ASIC2: variants seen among roughly 807,000 people sequenced by gnomAD.
The protein encoded by ASIC2 is acid sensing ion channel subunit 2.
In ASIC2, 25 loss-of-function variants were observed where a neutral mutation model predicts 57.3. The observed-to-expected ratio is 0.44, with a 90% CI of 0.32 to 0.61. The LOEUF (loss-of-function observed/expected upper bound fraction) is 0.61. Among genes scored for constraint, ASIC2 ranks in the 20% least tolerant of loss-of-function variants. ASIC2 has a pLI of 0.06. For missense variants in ASIC2, 641 were observed against 738.1 expected (o/e 0.87, Z 1.52); for synonymous variants, 319 against 307.5 (o/e 1.04, Z -0.39).
intron 1 of ASIC2, among the ~76,000 whole-genome samples, chr17:33,272,066 C>G (rs1300320804): frequency 6.6e-6 from 1 of 152,168 alleles, no homozygotes; most frequent in East Asian, 1.9e-4. Flanking sequence ...CACCTTGCCT[C>G]TAGGTCTTCC....
intron 1 of ASIC2, chr17:34,038,706 T>G (rs1907984804): frequency 5.0e-6 from 8 of 1,603,104 alleles, no homozygotes; most frequent in Non-Finnish European, 6.8e-6. Context: ...TGACCTAATC[T>G]GAGTTTGAAG....
intron 1 of ASIC2, among the ~76,000 whole-genome samples, chr17:33,674,736 G>A (rs761191097): frequency 4.6e-5 from 7 of 152,146 alleles, no homozygotes; most frequent in South Asian, 2.1e-4. Context: ...TGATATCCAG[G>A]GCTCTAGTGC....
intron 1 of ASIC2, among the ~76,000 whole-genome samples, chr17:33,690,219 C>A (rs1908321355): frequency 6.6e-6 from 1 of 152,210 alleles, no homozygotes; most frequent in African/African-American, 2.4e-5. Context: ...AAAAGCCACT[C>A]AAAAACATAG....
intron 2 of ASIC2, among the ~76,000 whole-genome samples, chr17:33,098,549 C>T (rs114762720): frequency 2.6e-5 from 4 of 152,108 alleles, no homozygotes; most frequent in Admixed American, 6.5e-5. Context: ...TGGGTGGCAG[C>T]GTGATGCAGC....
chr17:33,980,813 A>C (rs533955726), intron 1 of ASIC2: 1 of 152,364 alleles, frequency 6.6e-6, no homozygotes, highest in African/African-American at 2.4e-5. Flanking sequence ...CCAGTCTGGA[A>C]CAACTCTGAA....
chr17:33,293,104 A>C lies in ASIC2; in HGVS notation c.-989T>G, dbSNP rs1025139594. On this transcript the variant is annotated 5_prime_UTR_variant, in exon 1 of 10. Transcript: ENST00000225823. ...CCAACACCTCCCGGGGGTGACCCGG[A>C]CTCGCTGCTCCGCGCGCCCTTCTCC... 1.4e-5 allele frequency: 13 copies of C among 917,184 alleles called. No homozygotes were observed. Among genetic ancestry groups the C allele is most frequent in the Admixed American group, 6.2e-5 (1 of 16,176 alleles). The allele number at this position is 917,184 out of a possible 1,614,324, so 56.8% of individuals were successfully genotyped here. A position where few individuals can be genotyped will look rare whatever the true frequency, so the allele number is the denominator to read the frequency against.
intron 1 of ASIC2, among the ~76,000 whole-genome samples, chr17:33,883,788 C>G (rs552164816): frequency 6.6e-6 from 1 of 152,286 alleles, no homozygotes; most frequent in South Asian, 2.1e-4. Flanking sequence ...TTCTGTAAAA[C>G]AAAGAAGAAG....
chr17:33,406,606 G>A (rs891595189), intron 1 of ASIC2, among the ~76,000 whole-genome samples: 1 of 152,186 alleles, frequency 6.6e-6, no homozygotes, highest in Admixed American at 6.5e-5. Flanking sequence ...AACACCAGTA[G>A]CCTCCTCAGA....
chr17:33,931,460 G>C (rs1915930209), intron 1 of ASIC2: 1 of 152,212 alleles, frequency 6.6e-6, no homozygotes, highest in South Asian at 2.1e-4. Context: ...TCTGACTACT[G>C]ATTTCACTTC....
intron 1 of ASIC2, among the ~76,000 whole-genome samples, chr17:33,344,280 G>A (rs1258181704): frequency 3.9e-5 from 6 of 152,184 alleles, no homozygotes; most frequent in African/African-American, 4.8e-5. Flanking sequence ...AGCAGGGGGA[G>A]CAGATGCCTG....
chr17:33,682,162 C>T lies in ASIC2; in HGVS notation c.555+473816G>A, dbSNP rs573535825. On this transcript the variant is annotated intron_variant, in intron 1 of 9. Transcript: ENST00000359872. ...GCAAGCTCCGCCTCCCGAGTTCACGCCATTCTCCTGCCTCAGCCTCCTGAA... is the reference window on the plus strand; with the variant it reads ...GCAAGCTCCGCCTCCCGAGTTCACGTCATTCTCCTGCCTCAGCCTCCTGAA... Among the ~76,000 whole-genome samples, 3 of 150,576 alleles carry T rather than the reference C, an allele frequency of 2.0e-5. No homozygotes were observed. In the South Asian group the frequency reaches 6.3e-4, roughly 32 times the overall value.
chr17:33,702,735 C>T (rs547492734), intron 1 of ASIC2, among the ~76,000 whole-genome samples: 49 of 152,282 alleles, frequency 3.2e-4, no homozygotes, highest in Non-Finnish European at 6.6e-4. Flanking sequence ...TCACAATAAT[C>T]GCATTTGTTC....
intron 1 of ASIC2, among the ~76,000 whole-genome samples, chr17:33,413,422 A>G (rs1305391366): frequency 6.6e-6 from 1 of 152,202 alleles, no homozygotes; most frequent in East Asian, 1.9e-4. Flanking sequence ...CAGCCTGAAT[A>G]CAGTCAATTT....
chr17:33,414,201 A>G (rs1910758750), intron 1 of ASIC2, among the ~76,000 whole-genome samples: 1 of 152,206 alleles, frequency 6.6e-6, no homozygotes, highest in African/African-American at 2.4e-5. Flanking sequence ...AGGAAGATTA[A>G]GAAAAGGAGC....
chr17:33,854,875 A>T (rs1309555324), intron 1 of ASIC2, among the ~76,000 whole-genome samples: 1 of 152,124 alleles, frequency 6.6e-6, no homozygotes, highest in South Asian at 2.1e-4. Flanking sequence ...ATTAGTGTTT[A>T]AAAAAACACG....
chr17:33,873,171 C>T (rs1914463848), intron 1 of ASIC2, among the ~76,000 whole-genome samples: 1 of 152,196 alleles, frequency 6.6e-6, no homozygotes. Context: ...TCCTTCAATA[C>T]ATTCTTTTTT....
chr17:33,528,857 G>A (rs1411439360), intron 1 of ASIC2, among the ~76,000 whole-genome samples: 1 of 152,178 alleles, frequency 6.6e-6, no homozygotes, highest in Non-Finnish European at 1.5e-5. Flanking sequence ...TCTTAATTAA[G>A]AAAGAAATAG....
At chr17:33,892,306 G>A (rs1466913190) in intron 1 of ASIC2, among the ~76,000 whole-genome samples, 1 of 152,130 alleles carries the variant, frequency 6.6e-6, no homozygotes, top group African/African-American at 2.4e-5. Flanking sequence ...GGCCTCTCTG[G>A]GAGAGGGAGT....
chr17:34,137,670 A>G (rs530245984), intron 1 of ASIC2, among the ~76,000 whole-genome samples: 89 of 152,320 alleles, frequency 5.8e-4, no homozygotes, highest in African/African-American at 1.8e-3. Flanking sequence ...TGGGTAGCTT[A>G]CAAACAACAG....
Sources: allele counts gnomAD v4.1 joint callset (sites outside exome capture counted in the v4.1 genomes callset), GRCh38; gene constraint gnomAD v4.1.1; transcripts MANE v1.5; gene names NCBI Gene and HGNC (gene_info 2026-07-23, HGNC 2026-07-21).